CAST: variants seen among roughly 807,000 people sequenced by gnomAD.
CAST encodes MIR583 host.
CAST carries 76 observed loss-of-function variants against 119.6 expected under a neutral mutation model. The observed-to-expected ratio is 0.64, with a 90% confidence interval of 0.53 to 0.77. The LOEUF is 0.77. Ranked by LOEUF, CAST falls within the 30% of genes least tolerant of loss-of-function variation. CAST has a pLI of 0.00. For synonymous variants in CAST, 319 were observed against 331.6 expected, an observed-to-expected ratio of 0.96 and a Z score of 0.41; for missense variants, 953 against 946.5, an observed-to-expected ratio of 1.01 and a Z score of -0.09.
At chr5:96,747,977 T>G (rs1301567812) in intron 18 of CAST, among the ~76,000 whole-genome samples, 2 of 152,202 alleles carry the variant, frequency 1.3e-5, no homozygotes, top group Non-Finnish European at 2.9e-5. Flanking sequence ...CTGTCTGGTC[T>G]GAGTCCCAGC....
chr5:96,704,947 A>C (rs1389699907), intron 3 of CAST, among the ~76,000 whole-genome samples: 1 of 152,208 alleles, frequency 6.6e-6, no homozygotes, highest in Admixed American at 6.5e-5. Context: ...TGAATGTCAG[A>C]GCGTGACCGA....
At chr5:96,338,285 ACT>A in the CAST span, among the ~76,000 whole-genome samples, 151 of 152,182 alleles carry the variant, frequency 9.9e-4, no homozygotes, top group African/African-American at 3.4e-3. Flanking sequence ...AGTTTCAAAA[ACT>A]CTGCATCGTT....
At chr5:96,737,553 C>T (rs573553317) in intron 10 of CAST, among the ~76,000 whole-genome samples, 2 of 152,166 alleles carry the variant, frequency 1.3e-5, no homozygotes, top group Non-Finnish European at 2.9e-5. Context: ...GTCAGTGCAT[C>T]GGACTGGCAG....
the CAST span, among the ~76,000 whole-genome samples, chr5:96,269,683 CT>C: frequency 6.6e-6 from 1 of 152,102 alleles, no homozygotes. Flanking sequence ...CATATACAAC[CT>C]ACCAAGATTA....
the CAST span, among the ~76,000 whole-genome samples, chr5:96,400,731 T>C: frequency 2.6e-5 from 4 of 152,204 alleles, no homozygotes; most frequent in Admixed American, 6.5e-5. Flanking sequence ...TTGAGCTCAC[T>C]CTTGCAAGGC....
the CAST span, among the ~76,000 whole-genome samples, chr5:96,101,762 C>A: frequency 6.6e-6 from 1 of 152,170 alleles, no homozygotes; most frequent in Non-Finnish European, 1.5e-5. Context: ...GCCTGAGCAA[C>A]CAAGCGAGAC....
chr5:96,534,739 G>GAGAGAGAAAGAGAAAGAGA lies in CAST; in HGVS notation c.60+4862_60+4863insGAGAAAGAGAAAGAGAAGA, dbSNP rs1745757908. Among the ~76,000 whole-genome samples, 5 of 22,674 alleles carry GAGAGAGAAAGAGAAAGAGA rather than the reference G, an allele frequency of 2.2e-4. 2 individuals are homozygous for GAGAGAGAAAGAGAAAGAGA. The highest frequency in any genetic ancestry group is 5.1e-4 in the Non-Finnish European group (5 of 9,738). The allele number at this position is 22,674 out of a possible 152,430, so 14.9% of individuals were successfully genotyped here. A position where few individuals can be genotyped will look rare whatever the true frequency, so the allele number is the denominator to read the frequency against. ...GGAGAGAGAGAGAGAGAGAGAGAGA[G>GAGAGAGAAAGAGAAAGAGA]AGAAAGAAAGAAAGAAAGAAAGAAA... On this transcript the variant is annotated intron_variant, in intron 1 of 11. Coordinates refer to the CAST transcript ENST00000505143.
chr5:96,197,192 A>G, the CAST span, among the ~76,000 whole-genome samples: 1 of 152,150 alleles, frequency 6.6e-6, no homozygotes, highest in Admixed American at 6.5e-5. Context: ...GGCTAAAGGC[A>G]TCTGTCCCAG....
chr5:96,577,478 T>C (rs549701892), intron 1 of CAST, among the ~76,000 whole-genome samples: 1 of 152,194 alleles, frequency 6.6e-6, no homozygotes, highest in South Asian at 2.1e-4. Context: ...ACTTAAATTA[T>C]TGATTTGAGA....
chr5:96,038,441 A>T, the CAST span, among the ~76,000 whole-genome samples: 98 of 152,084 alleles, frequency 6.4e-4, no homozygotes, highest in Non-Finnish European at 1.3e-3. Context: ...TTACATAGGT[A>T]TACACGTGCC....
At chr5:96,663,790 G>GC (rs1273936770) in intron 1 of CAST, among the ~76,000 whole-genome samples, 1 of 152,132 alleles carries the variant, frequency 6.6e-6, no homozygotes, top group Non-Finnish European at 1.5e-5. Flanking sequence ...GAGCTTCTCT[G>GC]CACTTTATTA....
chr5:96,684,685 C>CCTATG (rs1751850033), intron 2 of CAST, among the ~76,000 whole-genome samples: 2 of 151,934 alleles, frequency 1.3e-5, no homozygotes, highest in Admixed American at 1.3e-4. Flanking sequence ...GCCTTAGCCT[C>CCTATG]CCAAGTAGCT....
chr5:96,266,585 A>C, the CAST span, among the ~76,000 whole-genome samples: 1 of 152,196 alleles, frequency 6.6e-6, no homozygotes, highest in Non-Finnish European at 1.5e-5. Flanking sequence ...GAACTGAAGC[A>C]AACCTGGGCT....
chr5:96,206,711 G>A, the CAST span, among the ~76,000 whole-genome samples: 2 of 152,060 alleles, frequency 1.3e-5, no homozygotes, highest in Admixed American at 6.6e-5. Context: ...CTGTAGTCTT[G>A]TGGTATAGTT....
At chr5:96,019,072 A>C in the CAST span, among the ~76,000 whole-genome samples, 3 of 152,200 alleles carry the variant, frequency 2.0e-5, no homozygotes, top group African/African-American at 7.2e-5. Context: ...TTCAGAAACC[A>C]AGGTAACAAA....
the CAST span, chr5:96,413,004 C>A: frequency 1.0e-6 from 1 of 984,716 alleles, no homozygotes; most frequent in Non-Finnish European, 1.2e-6. Context: ...GCCCAGTCTA[C>A]GCCACACAAG....
At chr5:96,392,290 A>T in the CAST span, 2 of 152,226 alleles carry the variant, frequency 1.3e-5, no homozygotes, top group Non-Finnish European at 2.9e-5. Context: ...AAGACCAGGC[A>T]TGCAGCACGA....
the CAST span, among the ~76,000 whole-genome samples, chr5:96,305,266 G>A: frequency 6.6e-6 from 1 of 152,102 alleles, no homozygotes; most frequent in Non-Finnish European, 1.5e-5. Flanking sequence ...TCTATTATTG[G>A]TGTATAGGAA....
At chr5:96,444,744 G>A in the CAST span, among the ~76,000 whole-genome samples, 1 of 151,758 alleles carries the variant, frequency 6.6e-6, no homozygotes, top group African/African-American at 2.4e-5. Flanking sequence ...TGCTTGTTTT[G>A]TTTTATTTAT....
Sources: allele counts gnomAD v4.1 joint callset (sites outside exome capture counted in the v4.1 genomes callset), GRCh38; gene constraint gnomAD v4.1.1; transcripts MANE v1.5; gene names NCBI Gene and HGNC (gene_info 2026-07-23, HGNC 2026-07-21).